The following PPP1R12B variants were observed in gnomAD, a reference collection of about 807,000 sequenced individuals.
The protein encoded by PPP1R12B is myosin phosphatase target subunit 2.
In PPP1R12B, 76 loss-of-function variants were observed where a neutral mutation model predicts 126.1. That is an observed-to-expected ratio of 0.60 (90% CI 0.50 to 0.73). PPP1R12B has a LOEUF of 0.73. Among genes scored for constraint, PPP1R12B ranks in the 30% least tolerant of loss-of-function variants. The pLI is 0.00. For synonymous variants in PPP1R12B, 356 were observed against 434.7 expected (o/e 0.82, Z 2.25); for missense variants, 1,052 against 1,205.1 (o/e 0.87, Z 1.88).
chr1:202,377,845 T>TG (rs1661478085), intron 1 of PPP1R12B, among the ~76,000 whole-genome samples: 1 of 139,480 alleles, frequency 7.2e-6, no homozygotes, highest in East Asian at 2.0e-4. Flanking sequence ...TTTTTTTTTT[T>TG]TTTTTTTTTT....
chr1:202,434,573 T>G, intron 8 of PPP1R12B, 83 bp from the exon 9 acceptor site: 1 of 1,511,254 alleles, frequency 6.6e-7, no homozygotes, highest in Non-Finnish European at 8.8e-7. Flanking sequence ...TGGGCAAATC[T>G]TTTCTATTAG....
intron 18 of PPP1R12B, among the ~76,000 whole-genome samples, chr1:202,548,808 C>CTATATATATATATA (rs370219273): frequency 1.5e-4 from 11 of 72,986 alleles, no homozygotes; most frequent in South Asian, 5.9e-4. Context: ...CTCTCTCTCT[C>CTATATATATATATA]TATATATATA....
At chr1:202,356,476 C>T (rs1657123401) in intron 1 of PPP1R12B, among the ~76,000 whole-genome samples, 1 of 152,056 alleles carries the variant, frequency 6.6e-6, no homozygotes, top group South Asian at 2.1e-4. Context: ...AAGTCCTAAT[C>T]CCCAGAACAT....
chr1:202,360,331 A>G lies in PPP1R12B; in HGVS notation c.291+11189A>G, dbSNP rs1395415084. ...TCTTGACTAGACCTGAATTCCATTA[A>G]TTAGTGAATTATTCTAATTATCATC... is the stretch of plus-strand genomic sequence containing the variant. On this transcript the variant is annotated intron_variant, in intron 1 of 23. Transcript: ENST00000608999. Among the ~76,000 whole-genome samples the G allele has an allele frequency of 2.2e-4, 34 of 152,314 alleles. 1 individual carries two copies. The highest frequency in any genetic ancestry group is 3.4e-3 in the Middle Eastern group (1 of 294).
chr1:202,544,151 C>G (rs1489835847), intron 18 of PPP1R12B, among the ~76,000 whole-genome samples: 1 of 152,130 alleles, frequency 6.6e-6, no homozygotes, highest in East Asian at 1.9e-4. Flanking sequence ...ATATAAGATG[C>G]TGGGTTCATA....
rs142365493 is a variant in PPP1R12B, at chr1:202,558,969, A to G, written c.2507+76A>G. ...CATGTCGAATTAAACTTAGCTTTATATAATAATTCAGTAATGTTTCTCACA... is the reference window on the plus strand; with the variant it reads ...CATGTCGAATTAAACTTAGCTTTATGTAATAATTCAGTAATGTTTCTCACA... On this transcript the variant is annotated intron_variant, in intron 19 of 23. Coordinates refer to ENST00000608999, the MANE Select transcript of PPP1R12B (RefSeq NM_002481.4). The G allele has an allele frequency of 2.0e-4, 271 of 1,388,298 alleles. 3 individuals carry two copies. In the East Asian group the frequency reaches 5.5e-3, roughly 28 times the overall value. The allele number at this position is 1,388,298 out of a possible 1,614,324, so 86.0% of individuals were successfully genotyped here. A position where few individuals can be genotyped will look rare whatever the true frequency, so the allele number is the denominator to read the frequency against.
chr1:202,538,262 TG>T (rs1487631801), intron 18 of PPP1R12B, among the ~76,000 whole-genome samples: 1 of 152,236 alleles, frequency 6.6e-6, no homozygotes, highest in Non-Finnish European at 1.5e-5. Flanking sequence ...CCCAAAGTGC[TG>T]GGATTACAGG....
chr1:202,554,979 T>C (rs1298721175), intron 18 of PPP1R12B, among the ~76,000 whole-genome samples: 3 of 152,070 alleles, frequency 2.0e-5, no homozygotes, highest in Admixed American at 2.0e-4. Context: ...AAAATTAATC[T>C]AGGCCTCTCG....
At chr1:202,482,701 C>G (rs548728603) in intron 13 of PPP1R12B, among the ~76,000 whole-genome samples, 1 of 152,236 alleles carries the variant, frequency 6.6e-6, no homozygotes, top group African/African-American at 2.4e-5. Context: ...TGTCTGTTTA[C>G]TCTGTTTAAT....
rs574027846 is a variant in PPP1R12B at position 202,390,138 on chromosome 1, A to G, written c.292-26649A>G. Among the ~76,000 whole-genome samples the G allele has an allele frequency of 2.0e-5, 3 of 152,310 alleles. No individual in the cohort carries two copies. The East Asian group carries it at 5.8e-4, about 29-fold the overall frequency. ...TGAGATTGTAGAAATCCGTGCAACTATGGTCAACTGATATATGACAAAGGT... is the reference window on the plus strand; with the variant it reads ...TGAGATTGTAGAAATCCGTGCAACTGTGGTCAACTGATATATGACAAAGGT... On this transcript the variant is annotated intron_variant, in intron 1 of 23. Coordinates refer to ENST00000608999, the MANE Select transcript of PPP1R12B (RefSeq NM_002481.4).
At chr1:202,556,360 C>T (rs1156815335) in intron 18 of PPP1R12B, among the ~76,000 whole-genome samples, 1 of 152,140 alleles carries the variant, frequency 6.6e-6, no homozygotes, top group Non-Finnish European at 1.5e-5. Context: ...CTAGCCAAGG[C>T]CATCACACTT....
At chr1:202,356,122 A>G (rs1280339996) in intron 1 of PPP1R12B, among the ~76,000 whole-genome samples, 2 of 152,174 alleles carry the variant, frequency 1.3e-5, no homozygotes, top group African/African-American at 4.8e-5. Context: ...TTGAAGCTGC[A>G]GTGAGCTGTG....
At chr1:202,359,504 G>A (rs1488654355) in intron 1 of PPP1R12B, among the ~76,000 whole-genome samples, 2 of 151,976 alleles carry the variant, frequency 1.3e-5, no homozygotes, top group African/African-American at 4.8e-5. Context: ...AAAATCAGCT[G>A]GGCGTGGTGG....
At chr1:202,379,996 C>T (rs913000607) in intron 1 of PPP1R12B, among the ~76,000 whole-genome samples, 2 of 152,158 alleles carry the variant, frequency 1.3e-5, no homozygotes, top group Non-Finnish European at 2.9e-5. Context: ...AGAGTAAAAA[C>T]GCATATAAAA....
At chr1:202,448,853 T>C (rs1375008422) in intron 12 of PPP1R12B, 136 bp from the exon 13 acceptor site, 1 of 956,374 alleles carries the variant, frequency 1.0e-6, no homozygotes, top group Non-Finnish European at 1.6e-6. Flanking sequence ...GAGCTCAAAA[T>C]TAAGAAACCA....
chr1:202,569,763 C>G (rs562158351), intron 23 of PPP1R12B, among the ~76,000 whole-genome samples: 76 of 152,350 alleles, frequency 5.0e-4, no homozygotes, highest in Admixed American at 6.5e-4. Context: ...AGAATAAGCT[C>G]ATGCCACCAG....
In PPP1R12B at chr1:202,468,621, A is replaced by G. The variant is rs191677139; in HGVS notation, c.1850+19450A>G. Among the ~76,000 whole-genome samples, 9 of 152,288 alleles carry G rather than the reference A, an allele frequency of 5.9e-5. No homozygotes were observed. The East Asian group carries it at 1.2e-3, about 20-fold the overall frequency. ...TTAATATGTCCAGCTCCCTTACAAGATCTTGCTTCAGAACAGAGCATTTGG... is the reference window on the plus strand; with the variant it reads ...TTAATATGTCCAGCTCCCTTACAAGGTCTTGCTTCAGAACAGAGCATTTGG... On this transcript the variant is annotated intron_variant, in intron 13 of 23. Transcript: ENST00000608999.
chr1:202,561,743 T>G (rs1572513925), intron 19 of PPP1R12B, among the ~76,000 whole-genome samples: 1 of 152,220 alleles, frequency 6.6e-6, no homozygotes, highest in South Asian at 2.1e-4. Context: ...AATGTGGGAC[T>G]TAGCATCTCT....
intron 1 of PPP1R12B, among the ~76,000 whole-genome samples, chr1:202,357,339 T>G (rs1424086605): frequency 6.6e-6 from 1 of 152,132 alleles, no homozygotes; most frequent in Non-Finnish European, 1.5e-5. Flanking sequence ...AAAAAGACTG[T>G]TGGATTTGGT....
Sources: allele counts gnomAD v4.1 joint callset (sites outside exome capture counted in the v4.1 genomes callset), GRCh38; gene constraint gnomAD v4.1.1; transcripts MANE v1.5; gene names NCBI Gene and HGNC (gene_info 2026-07-23, HGNC 2026-07-21).